The following DDX19A variants were observed in gnomAD, a reference collection of about 807,000 sequenced individuals.
DDX19A encodes the protein ATP-dependent RNA helicase DDX19A.
A neutral mutation model predicts 60.6 loss-of-function variants in DDX19A; 12 were observed. The observed-to-expected ratio is 0.20, with a 90% confidence interval of 0.13 to 0.32. The LOEUF (loss-of-function observed/expected upper bound fraction) is 0.32. DDX19A is among the 10% of genes least tolerant of loss of function. The probability of loss-of-function intolerance (pLI) is 1.00; values close to 1 mark genes in which losing one functional copy is unlikely to be tolerated. For synonymous variants in DDX19A, 206 were observed against 218.2 expected (o/e 0.94, Z 0.49); for missense variants, 337 against 600.6 (o/e 0.56, Z 4.59).
At chr16:70,362,454 C>G (rs756862711) in intron 5 of DDX19A, among the ~76,000 whole-genome samples, 16 of 151,736 alleles carry the variant, frequency 1.1e-4, no homozygotes, top group South Asian at 8.3e-4. Flanking sequence ...GAGACCTACA[C>G]AAAGGTGTAA....
intron 9 of DDX19A, among the ~76,000 whole-genome samples, chr16:70,369,529 C>T (rs964567525): frequency 6.6e-5 from 10 of 152,022 alleles, no homozygotes; most frequent in Non-Finnish European, 1.0e-4. Context: ...CTTGATCTCC[C>T]AAATTGCTGT....
chr16:70,357,362 G>GTT (rs1248365917), intron 4 of DDX19A, among the ~76,000 whole-genome samples: 8 of 48,862 alleles, frequency 1.6e-4, no homozygotes, highest in East Asian at 6.7e-4. Flanking sequence ...TCTGTTTTTG[G>GTT]TTTGTTTTTT....
intron 8 of DDX19A, 100 bp downstream of exon 8, chr16:70,366,362 T>C: frequency 6.6e-7 from 1 of 1,518,816 alleles, no homozygotes; most frequent in Middle Eastern, 2.2e-4. Flanking sequence ...GGGTCTTGGC[T>C]CTCGTACTCT....
chr16:70,371,249 G>A (rs1396134822), intron 10 of DDX19A, 123 bp from the exon 11 acceptor site: 2 of 1,562,906 alleles, frequency 1.3e-6, no homozygotes, highest in South Asian at 1.2e-5. Flanking sequence ...TGTACCCAGA[G>A]TTGGCCTGTC....
At chr16:70,361,566 A>C in intron 5 of DDX19A, 56 bp downstream of exon 5, 2 of 1,461,156 alleles carry the variant, frequency 1.4e-6, no homozygotes, top group East Asian at 2.3e-5. Context: ...ATCTTCCCCA[A>C]ACTGCGTTTT....
At chr16:70,347,258 C>T (rs910909737) in intron 1 of DDX19A, 10 of 586,636 alleles carry the variant, frequency 1.7e-5, no homozygotes, top group Non-Finnish European at 3.0e-5. Context: ...AGGACTTCAT[C>T]CTTTGGTAAA....
chr16:70,369,878 TAGG>T (rs1964632256), intron 9 of DDX19A, among the ~76,000 whole-genome samples: 1 of 152,142 alleles, frequency 6.6e-6, no homozygotes. Flanking sequence ...CCCAAAGTGC[TAGG>T]AGTACAGGTG....
At chr16:70,361,693 C>A (rs1964368072) in intron 5 of DDX19A, 183 bp downstream of exon 5, 1 of 554,962 alleles carries the variant, frequency 1.8e-6, no homozygotes. Flanking sequence ...TCCCACTTAA[C>A]AATAGAAACT....
intron 9 of DDX19A, 91 bp downstream of exon 9, chr16:70,366,952 G>A (rs1964538428): frequency 6.9e-7 from 1 of 1,457,588 alleles, no homozygotes; most frequent in East Asian, 2.3e-5. Context: ...TGAGCGCCAT[G>A]GAAAGAAGGG....
intron 1 of DDX19A, among the ~76,000 whole-genome samples, chr16:70,348,831 G>C (rs1181592745): frequency 6.6e-6 from 1 of 151,730 alleles, no homozygotes; most frequent in East Asian, 1.9e-4. Context: ...TGTAGTCCCA[G>C]TTACTCAGGA....
At chr16:70,371,053 T>G (rs1451059446) in intron 10 of DDX19A, 1 of 477,492 alleles carries the variant, frequency 2.1e-6, no homozygotes, top group Non-Finnish European at 3.7e-6. Flanking sequence ...AGTCCTGACT[T>G]GGTGGAAGGA....
chr16:70,348,552 G>T (rs1963916584), intron 1 of DDX19A, among the ~76,000 whole-genome samples: 1 of 151,362 alleles, frequency 6.6e-6, no homozygotes, highest in South Asian at 2.1e-4. Flanking sequence ...GCTTGAACCT[G>T]GGAGGTGGAG....
At chr16:70,347,076 G>T in intron 1 of DDX19A, 28 bp downstream of exon 1, 4 of 1,602,448 alleles carry the variant, frequency 2.5e-6, no homozygotes, top group Non-Finnish European at 2.6e-6. Flanking sequence ...TGGCGAGGAG[G>T]ACGTAGCAGG....
At chr16:70,364,418 G>A (rs1188544973) in intron 5 of DDX19A, 125 bp from the exon 6 acceptor site, 1 of 674,388 alleles carries the variant, frequency 1.5e-6, no homozygotes, top group Non-Finnish European at 2.6e-6. Context: ...TGTGCTCAAT[G>A]GAGAAAACCT....
Position 70,372,154 on chromosome 16 carries a change from G to C in DDX19A, c.*168G>C, listed in dbSNP as rs1361269950. ...GGACTTGACAAAAATAGGTGCAAAT[G>C]ATGGGGGGCAATAGAAGAAAAAATT... On this transcript the variant is annotated 3_prime_UTR_variant, in exon 12 of 12. Transcript: ENST00000302243. 4 of 1,149,034 alleles carry C rather than the reference G, an allele frequency of 3.5e-6. No individual in the cohort carries two copies. Among genetic ancestry groups the C allele is most frequent in the African/African-American group, 3.1e-5 (2 of 64,352 alleles). 71.2% of individuals were successfully genotyped at this position (1,149,034 alleles called of 1,614,324 possible). A position where few individuals can be genotyped will look rare whatever the true frequency, so the allele number is the denominator to read the frequency against.
chr16:70,364,790 TG>T, intron 6 of DDX19A, 145 bp downstream of exon 6: 1 of 693,090 alleles, frequency 1.4e-6, no homozygotes, highest in Non-Finnish European at 2.5e-6. Context: ...GGCCCTGACC[TG>T]GGAGAATGTG....
At chr16:70,359,663 C>A (rs776509076) in intron 4 of DDX19A, among the ~76,000 whole-genome samples, 6 of 151,972 alleles carry the variant, frequency 3.9e-5, no homozygotes, top group Non-Finnish European at 8.8e-5. Flanking sequence ...CATGACCAGC[C>A]TGGGCAACAT....
intron 4 of DDX19A, among the ~76,000 whole-genome samples, chr16:70,357,585 T>G (rs1292798183): frequency 6.6e-6 from 1 of 151,592 alleles, no homozygotes; most frequent in Non-Finnish European, 1.5e-5. Context: ...AGGGTTTCAC[T>G]ATGTTGGGCA....
chr16:70,348,474 A>C (rs1225109026), intron 1 of DDX19A, among the ~76,000 whole-genome samples: 1 of 151,786 alleles, frequency 6.6e-6, no homozygotes. Context: ...AAAAATACAA[A>C]AGTTAGCCAG....
Sources: gnomAD v4.1 joint callset for allele counts (sites outside exome capture counted in the v4.1 genomes callset) on GRCh38, gnomAD v4.1.1 for gene constraint, MANE v1.5 for transcripts, NCBI Gene and HGNC (gene_info 2026-07-23, HGNC 2026-07-21) for gene names.